The following TCEANC2 variants were observed in gnomAD, a reference collection of about 807,000 sequenced individuals.
The protein encoded by TCEANC2 is transcription elongation factor A N-terminal and central domain-containing protein 2.
TCEANC2 carries 20 observed loss-of-function variants against 22.8 expected under a neutral mutation model. The ratio of observed to expected loss-of-function variants is 0.88; its 90% CI spans 0.62 to 1.28. TCEANC2 has a LOEUF of 1.28. TCEANC2 is among the 50% of genes most tolerant of loss of function. The probability of loss-of-function intolerance (pLI) is 0.00; values close to 1 mark genes in which losing one functional copy is unlikely to be tolerated. For synonymous variants in TCEANC2, 84 were observed against 95.5 expected (o/e 0.88, Z 0.70); for missense variants, 251 against 249.7 (o/e 1.01, Z -0.03).
At chr1:54,109,469 G>C (rs1658808963), downstream of TCEANC2, among the ~76,000 whole-genome samples, 1 of 152,186 alleles carries the variant, frequency 6.6e-6, no homozygotes, top group African/African-American at 2.4e-5. Context: ...AAGGTTTTCA[G>C]GTGAGGAAAC....
chr1:54,089,717 C>T (rs1658406507), intron 4 of TCEANC2: 2 of 262,042 alleles, frequency 7.6e-6, no homozygotes, highest in Middle Eastern at 1.1e-3. Flanking sequence ...AAATTTTAGC[C>T]TTTCTATCTC....
intron 2 of TCEANC2, among the ~76,000 whole-genome samples, chr1:54,061,312 C>T (rs1450904671): frequency 6.6e-6 from 1 of 152,162 alleles, no homozygotes; most frequent in Non-Finnish European, 1.5e-5. Flanking sequence ...TCAGAAATAA[C>T]AGTACCCCAT....
rs1658587044 is a variant in TCEANC2, at chr1:54,097,842, A to AACT, written c.*1371_*1373dup. The AACT allele has an allele frequency of 6.6e-6, 1 of 152,194 alleles. No individual in the cohort carries two copies. Among genetic ancestry groups the AACT allele is most frequent in the South Asian group, 2.1e-4 (1 of 4,828 alleles). The allele number at this position is 152,194 out of a possible 1,614,324, so 9.4% of individuals were successfully genotyped here. A position where few individuals can be genotyped will look rare whatever the true frequency, so the allele number is the denominator to read the frequency against. On this transcript the variant is annotated 3_prime_UTR_variant, in exon 5 of 5. Coordinates refer to ENST00000234827, the MANE Select transcript of TCEANC2 (RefSeq NM_153035.3). Reference sequence around the variant, plus strand: ...TCACCTTCAATTTCCTACTGCTAGTAACTATTGGAGCTAGAATAATAATAA... The same window carrying AACT: ...TCACCTTCAATTTCCTACTGCTAGTAACTACTATTGGAGCTAGAATAATAATAA...
At chr1:54,054,181 G>T (rs1025197406) in intron 1 of TCEANC2, 200 bp from the exon 2 acceptor site, 2 of 1,360,012 alleles carry the variant, frequency 1.5e-6, no homozygotes, top group Admixed American at 6.1e-5. Flanking sequence ...TCCTAACTCA[G>T]GACGTAGACT....
intron 2 of TCEANC2, among the ~76,000 whole-genome samples, chr1:54,066,322 A>C (rs1460832904): frequency 6.6e-6 from 1 of 152,128 alleles, no homozygotes; most frequent in Non-Finnish European, 1.5e-5. Flanking sequence ...CGAAAGAAGA[A>C]AAAAAGAAGA....
intron 3 of TCEANC2, among the ~76,000 whole-genome samples, chr1:54,074,275 AAC>A (rs1384039276): frequency 4.6e-5 from 7 of 152,196 alleles, no homozygotes; most frequent in African/African-American, 1.4e-4. Flanking sequence ...CATCTTGGCT[AAC>A]ACAGTGAAAC....
intron 2 of TCEANC2, among the ~76,000 whole-genome samples, chr1:54,060,559 A>T (rs908058967): frequency 6.6e-6 from 1 of 152,104 alleles, no homozygotes; most frequent in African/African-American, 2.4e-5. Flanking sequence ...ACAGAGCAAG[A>T]CCCTGTCTCA....
intron 3 of TCEANC2, among the ~76,000 whole-genome samples, chr1:54,073,049 T>C (rs962465026): frequency 9.9e-5 from 15 of 152,162 alleles, no homozygotes; most frequent in Non-Finnish European, 1.6e-4. Flanking sequence ...CACTGCAGCC[T>C]TGAACTCCTG....
chr1:54,088,279 C>A (rs1658375990), intron 3 of TCEANC2, among the ~76,000 whole-genome samples: 2 of 152,264 alleles, frequency 1.3e-5, no homozygotes, highest in South Asian at 4.1e-4. Context: ...CCCCTTCCCC[C>A]AAAAAACTAG....
chr1:54,069,567 C>T (rs1012380437), intron 3 of TCEANC2, among the ~76,000 whole-genome samples: 17 of 148,698 alleles, frequency 1.1e-4, no homozygotes, highest in Admixed American at 8.0e-4. Context: ...AAGATCGTGC[C>T]ACTGCACTCC....
chr1:54,071,837 G>T (rs1000689871), intron 3 of TCEANC2, among the ~76,000 whole-genome samples: 1 of 151,384 alleles, frequency 6.6e-6, no homozygotes, highest in South Asian at 2.1e-4. Context: ...TTTGAGACAG[G>T]GTCTTTCTGT....
chr1:54,088,675 A>T lies in TCEANC2; in HGVS notation c.323A>T (p.Lys108Ile). ...SLAREVYTEW[K>I]TFTEKHSNRP... ...GCCAGAGAAGTTTACACTGAGTGGA[A>T]AACTTTCACTGAAAAACATTCAAAT... The change falls in exon 4 of 5, where the codon AAA (lysine) becomes ATA (isoleucine). Residue 108 changes from lysine (K) to isoleucine (I), a missense_variant. Coordinates refer to ENST00000234827, the MANE Select transcript of TCEANC2 (RefSeq NM_153035.3). 1 of 1,611,664 alleles carries T rather than the reference A, an allele frequency of 6.2e-7. No individual in the cohort carries two copies. The highest frequency in any genetic ancestry group is 8.5e-7 in the Non-Finnish European group (1 of 1,179,312).
intron 3 of TCEANC2, among the ~76,000 whole-genome samples, chr1:54,085,978 C>T (rs55749501): frequency 6.6e-6 from 1 of 152,264 alleles, no homozygotes; most frequent in Non-Finnish European, 1.5e-5. Context: ...AAGTGATCCT[C>T]CCATCTTGGC....
At position 54,105,525 on chromosome 1, in the gene TCEANC2, C is replaced by G. The variant is rs1658737204; in HGVS notation, c.*9052C>G. On this transcript the variant is annotated 3_prime_UTR_variant, in exon 5 of 5. Transcript: ENST00000234827. ...CTTCCCAAGAGCAATCCCTGATAAA[C>G]TTCCCGCATGCTAATCTCCATCTCA... 6.6e-6 allele frequency: 1 copy of G among 152,276 alleles called. No individual in the cohort carries two copies. The highest frequency in any genetic ancestry group is 2.4e-5 in the African/African-American group (1 of 41,448). The allele number at this position is 152,276 out of a possible 1,614,324, so 9.4% of individuals were successfully genotyped here.
rs775309402 is a variant in TCEANC2, at chr1:54,099,261, T to C, written c.*2788T>C. On this transcript the variant is annotated 3_prime_UTR_variant, in exon 5 of 5. Transcript: ENST00000234827. Reference sequence around the variant, plus strand: ...TTGGAAAGTAGAATGATTGCAGAGATGTGCTTTGGAGATTTGGAAAGCAGG... The same window carrying C: ...TTGGAAAGTAGAATGATTGCAGAGACGTGCTTTGGAGATTTGGAAAGCAGG... 2 of 152,270 alleles carry C rather than the reference T, an allele frequency of 1.3e-5. No individual in the cohort carries two copies. Among genetic ancestry groups the C allele is most frequent in the African/African-American group, 4.8e-5 (2 of 41,480 alleles). 9.4% of individuals were successfully genotyped at this position (152,270 alleles called of 1,614,324 possible).
rs1658385380 is a variant in TCEANC2, at chr1:54,088,728, C to T, written c.376C>T (p.Pro126Ser). 1 of 1,603,824 alleles carries T rather than the reference C, an allele frequency of 6.2e-7. No homozygotes were observed. The highest frequency in any genetic ancestry group is 1.1e-5 in the South Asian group (1 of 89,168). The change falls in exon 4 of 5, where the codon CCC becomes TCC. Residue 126 changes from proline (P) to serine (S), a missense_variant. Pro to Ser is a moderately conservative substitution (Grantham distance 74). Coordinates refer to ENST00000234827, the MANE Select transcript of TCEANC2 (RefSeq NM_153035.3). ...ACCTTCTATTGAAGTTAGAAGTGAT[C>T]CCAAAACCGAGTCGTTGAGGAAAAA... is the stretch of plus-strand genomic sequence containing the variant. ...NRPSIEVRSD[P>S]KTESLRKNAQ...
Position 54,096,208 on chromosome 1 carries a change from C to T in TCEANC2, c.439-77C>T. 1 of 1,501,288 alleles carries T rather than the reference C, an allele frequency of 6.7e-7. No homozygotes were observed. The highest frequency in any genetic ancestry group is 9.0e-7 in the Non-Finnish European group (1 of 1,116,352). The allele number at this position is 1,501,288 out of a possible 1,614,324, so 93.0% of individuals were successfully genotyped here. A position where few individuals can be genotyped will look rare whatever the true frequency, so the allele number is the denominator to read the frequency against. On this transcript the variant is annotated intron_variant, in intron 4 of 4. Coordinates refer to ENST00000234827, the MANE Select transcript of TCEANC2 (RefSeq NM_153035.3). This position sits in a 1 kb window ranked among gnomAD's most constrained non-coding sequence, Gnocchi z 4.9. ...CAGTTGATTAATGGAGGCCTCTGAG[C>T]AGAGTGCTCCAGCCTCTCTTGCTTT...
Position 54,077,636 on chromosome 1 carries a change from TA to T in TCEANC2, c.244+8740del, listed in dbSNP as rs771995177. Among the ~76,000 whole-genome samples, 183 of 152,302 alleles carry T rather than the reference TA, an allele frequency of 1.2e-3. 1 individual carries two copies. The highest frequency in any genetic ancestry group is 1.3e-3 in the Non-Finnish European group (91 of 68,026). ...TCACCTATTTAATTATTTACTTCTTTATTTTTTTATTTGCTAGGCAGTAACT... is the reference window on the plus strand; with the variant it reads ...TCACCTATTTAATTATTTACTTCTTTTTTTTTTATTTGCTAGGCAGTAACT... On this transcript the variant is annotated intron_variant, in intron 3 of 4. Transcript: ENST00000234827.
Position 54,103,723 on chromosome 1 carries a change from C to A in TCEANC2, c.*7250C>A, listed in dbSNP as rs1201625013. On this transcript the variant is annotated 3_prime_UTR_variant, in exon 5 of 5. Coordinates refer to ENST00000234827, the MANE Select transcript of TCEANC2 (RefSeq NM_153035.3). Reference sequence around the variant, plus strand: ...AGCTCCATCCCTTGAGAACAACCAGCAGCCACTTGGGAAGTTGGCTATATT... The same window carrying A: ...AGCTCCATCCCTTGAGAACAACCAGAAGCCACTTGGGAAGTTGGCTATATT... 1 of 152,200 alleles carries A rather than the reference C, an allele frequency of 6.6e-6. No homozygotes were observed. The highest frequency in any genetic ancestry group is 6.5e-5 in the Admixed American group (1 of 15,276). The allele number at this position is 152,200 out of a possible 1,614,324, so 9.4% of individuals were successfully genotyped here.
Sources: allele counts gnomAD v4.1 joint callset (sites outside exome capture counted in the v4.1 genomes callset), GRCh38; gene constraint gnomAD v4.1.1; non-coding constraint Gnocchi (gnomAD v3.1); transcripts MANE v1.5; gene names NCBI Gene and HGNC (gene_info 2026-07-23, HGNC 2026-07-21).